The following SUSD1 variants were observed in gnomAD, a reference collection of about 807,000 sequenced individuals.
SUSD1 encodes sushi domain-containing protein 1.
In SUSD1, 65 loss-of-function variants were observed where a neutral mutation model predicts 86.9. That is an observed-to-expected ratio of 0.75 (90% confidence interval 0.61 to 0.92). SUSD1 has a LOEUF of 0.92. SUSD1 is among the 40% of genes least tolerant of loss of function. The pLI, the probability that SUSD1 is intolerant of heterozygous loss-of-function variation, is 0.00. For missense variants in SUSD1, 850 were observed against 929.7 expected, an observed-to-expected ratio of 0.91 and a Z score of 1.11; for synonymous variants, 346 against 350.0, an observed-to-expected ratio of 0.99 and a Z score of 0.13.
At chr9:112,060,567 G>C (rs756905154) in intron 13 of SUSD1, among the ~76,000 whole-genome samples, 2 of 152,216 alleles carry the variant, frequency 1.3e-5, no homozygotes, top group Non-Finnish European at 2.9e-5. Context: ...AATGGGCTGG[G>C]ATTACAGGCG....
chr9:112,174,124 G>C (rs528373912), intron 1 of SUSD1, among the ~76,000 whole-genome samples: 1 of 152,122 alleles, frequency 6.6e-6, no homozygotes, highest in East Asian at 1.9e-4. Context: ...TCTGCCTCTG[G>C]TGCCTCCGTG....
At chr9:112,174,995 G>T in intron 1 of SUSD1, 138 bp downstream of exon 1, 1 of 571,558 alleles carries the variant, frequency 1.7e-6, no homozygotes, top group Non-Finnish European at 2.2e-6. Flanking sequence ...AACGGCCGGC[G>T]CGGGCCCCAC....
intron 8 of SUSD1, among the ~76,000 whole-genome samples, chr9:112,107,529 T>C (rs1216713293): frequency 1.3e-5 from 2 of 152,218 alleles, no homozygotes; most frequent in Non-Finnish European, 2.9e-5. Flanking sequence ...TTGGATAACT[T>C]ATCTAATCAA....
At chr9:112,100,522 C>T (rs1033757077) in intron 9 of SUSD1, among the ~76,000 whole-genome samples, 1 of 151,902 alleles carries the variant, frequency 6.6e-6, no homozygotes, top group Non-Finnish European at 1.5e-5. Flanking sequence ...GTATAACAGT[C>T]TTTGCTTCTG....
chr9:112,083,234 A>AT (rs920767727), intron 10 of SUSD1, among the ~76,000 whole-genome samples: 69 of 149,512 alleles, frequency 4.6e-4, no homozygotes, highest in African/African-American at 9.6e-4. Context: ...ATTTTAAAGA[A>AT]TTTTTTTTTT....
chr9:112,122,694 C>T lies in SUSD1; in HGVS notation c.886+1563G>A, dbSNP rs1376933673. Among the ~76,000 whole-genome samples the T allele has an allele frequency of 2.6e-5, 4 of 152,156 alleles. No homozygotes were observed. The East Asian group carries it at 7.7e-4, about 29-fold the overall frequency. ...GATTTGTACACACATTTCATAGCAG[C>T]ATTATTCATCATAGCCAAAAGATGG... On this transcript the variant is annotated intron_variant, in intron 6 of 16. Transcript: ENST00000374270.
At chr9:112,081,109 A>C (rs1355030171) in intron 10 of SUSD1, among the ~76,000 whole-genome samples, 1 of 152,236 alleles carries the variant, frequency 6.6e-6, no homozygotes. Context: ...CAAAACCCTG[A>C]CATCAGAGGT....
At chr9:112,052,279 A>G (rs1828248878) in intron 15 of SUSD1, 120 bp downstream of exon 15, 10 of 1,584,716 alleles carry the variant, frequency 6.3e-6, no homozygotes, top group Non-Finnish European at 7.7e-6. Flanking sequence ...TCTTTGCTTA[A>G]AGTAGTATGA....
chr9:112,062,792 A>G (rs1828790080), intron 13 of SUSD1, 145 bp downstream of exon 13: 3 of 528,502 alleles, frequency 5.7e-6, no homozygotes, highest in Non-Finnish European at 1.0e-5. Context: ...TCTGTACCCA[A>G]GGAAACAAAA....
At chr9:112,174,266 T>A (rs910374560) in intron 1 of SUSD1, among the ~76,000 whole-genome samples, 2 of 152,198 alleles carry the variant, frequency 1.3e-5, no homozygotes, top group Non-Finnish European at 2.9e-5. Flanking sequence ...TATCCAAATA[T>A]GACCAATCAT....
At position 112,115,544 on chromosome 9, in the gene SUSD1, C is replaced by T. The variant is rs547981021; in HGVS notation, c.887-2676G>A. ...TGGGCCAAGTGGGTGCGGTGGCTCA[C>T]GCCTGTAATCCTAGCACTTTGCGGG... On this transcript the variant is annotated intron_variant, in intron 6 of 16. Coordinates refer to ENST00000374270, the MANE Select transcript of SUSD1 (RefSeq NM_022486.5). 3.4e-4 allele frequency among the ~76,000 whole-genome samples: 51 copies of T among 152,192 alleles called. 1 individual carries two copies. The highest frequency in any genetic ancestry group is 9.4e-4 in the African/African-American group (39 of 41,522).
intron 15 of SUSD1, among the ~76,000 whole-genome samples, chr9:112,046,151 C>A (rs1827948147): frequency 6.6e-6 from 1 of 152,180 alleles, no homozygotes; most frequent in African/African-American, 2.4e-5. Flanking sequence ...CTCTAAAAAT[C>A]TGAGTCAATC....
intron 1 of SUSD1, among the ~76,000 whole-genome samples, chr9:112,164,674 G>A (rs115936290): frequency 0.025 from 3,744 of 152,196 alleles, 136 homozygotes; most frequent in African/African-American, 0.082. Flanking sequence ...GCCAGGCACA[G>A]TAGCTCATGC....
intron 15 of SUSD1, among the ~76,000 whole-genome samples, chr9:112,050,450 C>T (rs1828140804): frequency 6.6e-6 from 1 of 152,166 alleles, no homozygotes; most frequent in African/African-American, 2.4e-5. Flanking sequence ...CCTAATTCCC[C>T]AGGCCCCTCC....
intron 10 of SUSD1, among the ~76,000 whole-genome samples, chr9:112,081,077 T>C (rs933358444): frequency 2.0e-5 from 3 of 152,212 alleles, no homozygotes; most frequent in African/African-American, 7.2e-5. Context: ...CCCATCCAAG[T>C]AGTCAAGAAA....
intron 5 of SUSD1, among the ~76,000 whole-genome samples, chr9:112,125,636 G>A (rs1038531714): frequency 3.3e-5 from 5 of 152,096 alleles, no homozygotes; most frequent in South Asian, 4.1e-4. Flanking sequence ...TCCCCAATCC[G>A]TAGAAAGCCA....
Position 112,112,870 on chromosome 9 carries a change from T to C in SUSD1, c.887-2A>G, listed in dbSNP as rs1429417826. ...CATCATTAATCTTTGTCAGAATTTCTAAAAGAGAAAAAGGCAGTCAACTCA... is the reference window on the plus strand; with the variant it reads ...CATCATTAATCTTTGTCAGAATTTCCAAAAGAGAAAAAGGCAGTCAACTCA... On this transcript the variant is annotated splice_acceptor_variant, in intron 6 of 16. Coordinates refer to ENST00000374270, the MANE Select transcript of SUSD1 (RefSeq NM_022486.5). LOFTEE classifies it high-confidence loss of function. 2 of 1,605,090 alleles carry C rather than the reference T, an allele frequency of 1.2e-6. No individual in the cohort carries two copies. The highest frequency in any genetic ancestry group is 1.7e-6 in the Non-Finnish European group (2 of 1,172,264).
At chr9:112,081,834 T>C (rs1265565325) in intron 10 of SUSD1, among the ~76,000 whole-genome samples, 1 of 152,212 alleles carries the variant, frequency 6.6e-6, no homozygotes, top group African/African-American at 2.4e-5. Flanking sequence ...AGTATCATTA[T>C]TGGAAAAGCT....
rs530792668 is a variant in SUSD1, at chr9:112,058,380, T to C, written c.2109+48A>G. On this transcript the variant is annotated intron_variant, in intron 14 of 16. Coordinates refer to ENST00000374270, the MANE Select transcript of SUSD1 (RefSeq NM_022486.5). ...TAAATGTTCAAACATTTAAATGTCA[T>C]ACGAAGAAGAAAATACAGAGTTCAC... The C allele has an allele frequency of 5.7e-6, 9 of 1,583,172 alleles. No homozygotes were observed. The African/African-American group carries it at 9.5e-5, about 17-fold the overall frequency.
Sources: gnomAD v4.1 joint callset for allele counts (sites outside exome capture counted in the v4.1 genomes callset) on GRCh38, gnomAD v4.1.1 for gene constraint, MANE v1.5 for transcripts, NCBI Gene and HGNC (gene_info 2026-07-23, HGNC 2026-07-21) for gene names.